Variants in TMCO5A observed in about 807,000 individuals in gnomAD.
TMCO5A encodes transmembrane and coiled-coil domains 5A, also known as transmembrane and coiled-coil domain-containing protein 5A.
A neutral mutation model predicts 42.3 loss-of-function variants in TMCO5A; 34 were observed. The ratio of observed to expected loss-of-function variants is 0.80; its 90% CI spans 0.61 to 1.07. TMCO5A has a LOEUF of 1.07. Ranked by LOEUF, TMCO5A falls within the 50% of genes least tolerant of loss-of-function variation. TMCO5A has a pLI of 0.00. For missense variants in TMCO5A, 357 were observed against 327.9 expected (o/e 1.09, Z -0.69); for synonymous variants, 131 against 115.6 (o/e 1.13, Z -0.86).
chr15:37,972,857 C>T, the TMCO5A span, among the ~76,000 whole-genome samples: 33 of 152,092 alleles, frequency 2.2e-4, no homozygotes, highest in African/African-American at 7.2e-4. Flanking sequence ...TTTGTGAGGA[C>T]GTATGTCTAC....
chr15:38,030,194 G>T, the TMCO5A span, among the ~76,000 whole-genome samples: 1 of 152,146 alleles, frequency 6.6e-6, no homozygotes, highest in Non-Finnish European at 1.5e-5. Flanking sequence ...CCCTGTGGGC[G>T]ATTCCCAGTA....
chr15:38,005,098 C>A, the TMCO5A span, among the ~76,000 whole-genome samples: 2 of 151,940 alleles, frequency 1.3e-5, no homozygotes, highest in African/African-American at 4.8e-5. Flanking sequence ...TTGCATTATG[C>A]CCAGTCTATT....
downstream of TMCO5A, among the ~76,000 whole-genome samples, chr15:37,970,121 G>A (rs1041229637): frequency 1.3e-5 from 2 of 152,158 alleles, no homozygotes; most frequent in African/African-American, 4.8e-5. Flanking sequence ...CTATGGCTGA[G>A]CTAATTTACA....
chr15:37,968,860 C>T (rs996918949), downstream of TMCO5A, among the ~76,000 whole-genome samples: 3 of 151,996 alleles, frequency 2.0e-5, no homozygotes, highest in Non-Finnish European at 1.5e-5. Context: ...GAATTACAGG[C>T]GTGAGCCACC....
the TMCO5A span, among the ~76,000 whole-genome samples, chr15:38,017,783 C>T: frequency 6.6e-6 from 1 of 152,258 alleles, no homozygotes; most frequent in East Asian, 1.9e-4. Flanking sequence ...TGTGTCCCCA[C>T]CCAAGTCTTA....
intron 11 of TMCO5A, among the ~76,000 whole-genome samples, chr15:37,960,795 T>A (rs1890404684): frequency 6.6e-6 from 1 of 152,172 alleles, no homozygotes; most frequent in Non-Finnish European, 1.5e-5. Flanking sequence ...TACTGAGCAT[T>A]TTTTCATATG....
chr15:37,935,814 GGT>G (rs2140252665), intron 2 of TMCO5A, among the ~76,000 whole-genome samples: 1 of 152,212 alleles, frequency 6.6e-6, no homozygotes, highest in South Asian at 2.1e-4. Flanking sequence ...GTGAGGGAGA[GGT>G]GTTGAGGTGG....
At chr15:38,016,211 A>C in the TMCO5A span, among the ~76,000 whole-genome samples, 1 of 152,162 alleles carries the variant, frequency 6.6e-6, no homozygotes, top group African/African-American at 2.4e-5. Flanking sequence ...GTTGCTGTGA[A>C]CCTAAAACTG....
At chr15:37,958,352 G>C (rs151168235) in intron 11 of TMCO5A, among the ~76,000 whole-genome samples, 1 of 151,150 alleles carries the variant, frequency 6.6e-6, no homozygotes, top group East Asian at 2.0e-4. Context: ...CTGACAAAGG[G>C]CTAATATCCA....
intron 11 of TMCO5A, among the ~76,000 whole-genome samples, chr15:37,949,895 A>G (rs560343851): frequency 4.6e-5 from 7 of 152,228 alleles, no homozygotes; most frequent in African/African-American, 1.7e-4. Context: ...GTTGACCAAA[A>G]TTGCAGTCAT....
chr15:37,965,605 A>G (rs1226039134), intron 11 of TMCO5A, among the ~76,000 whole-genome samples: 1 of 152,222 alleles, frequency 6.6e-6, no homozygotes, highest in East Asian at 1.9e-4. Context: ...AAAAGATTTG[A>G]ACAGACATTT....
At chr15:37,948,252 A>G (rs1483343512) in intron 11 of TMCO5A, among the ~76,000 whole-genome samples, 1 of 152,130 alleles carries the variant, frequency 6.6e-6, no homozygotes, top group African/African-American at 2.4e-5. Context: ...CTGTGATAGC[A>G]AAGTAAAATT....
At chr15:37,958,005 A>G (rs1168884244) in intron 11 of TMCO5A, among the ~76,000 whole-genome samples, 1 of 152,216 alleles carries the variant, frequency 6.6e-6, no homozygotes, top group African/African-American at 2.4e-5. Context: ...TTCCCTATTT[A>G]ATAAATGGTG....
the TMCO5A span, among the ~76,000 whole-genome samples, chr15:38,017,468 G>A: frequency 6.6e-6 from 1 of 152,162 alleles, no homozygotes; most frequent in East Asian, 1.9e-4. Context: ...GCCTGCCGGA[G>A]AGGAGCCAGA....
chr15:37,975,795 T>C, the TMCO5A span, among the ~76,000 whole-genome samples: 3 of 151,190 alleles, frequency 2.0e-5, no homozygotes, highest in Non-Finnish European at 2.9e-5. Flanking sequence ...TTAGACTTGA[T>C]TGCCTAGGCT....
chr15:37,995,300 A>G, the TMCO5A span, among the ~76,000 whole-genome samples: 1 of 152,196 alleles, frequency 6.6e-6, no homozygotes. Context: ...TTAAAGCCAC[A>G]AGTCAACAGA....
the TMCO5A span, chr15:37,984,795 C>G: frequency 7.2e-6 from 1 of 139,468 alleles, no homozygotes; most frequent in African/African-American, 2.7e-5. Flanking sequence ...GACATCAAAT[C>G]TGCCAGCACA....
At chr15:38,007,703 CAAGT>C in the TMCO5A span, among the ~76,000 whole-genome samples, 1 of 151,792 alleles carries the variant, frequency 6.6e-6, no homozygotes, top group Non-Finnish European at 1.5e-5. Context: ...TGTTAGTGAA[CAAGT>C]AAGTGCCATG....
downstream of TMCO5A, among the ~76,000 whole-genome samples, chr15:37,953,054 A>G (rs1595601893): frequency 6.6e-6 from 1 of 152,178 alleles, no homozygotes; most frequent in East Asian, 1.9e-4. Flanking sequence ...AGTACAGTAC[A>G]ATATCAGATG....
Sources: allele counts gnomAD v4.1 joint callset (sites outside exome capture counted in the v4.1 genomes callset), GRCh38; gene constraint gnomAD v4.1.1; transcripts MANE v1.5; gene names NCBI Gene and HGNC (gene_info 2026-07-23, HGNC 2026-07-21).